The following KIAA1328 variants were observed in gnomAD, a reference collection of about 807,000 sequenced individuals.
KIAA1328 encodes the protein protein hinderin.
In KIAA1328, 52 loss-of-function variants were observed where a neutral mutation model predicts 68.1. The observed-to-expected ratio is 0.76, with a 90% confidence interval of 0.61 to 0.96. KIAA1328 has a LOEUF of 0.96. Ranked by LOEUF, KIAA1328 falls within the 40% of genes least tolerant of loss-of-function variation. KIAA1328 has a pLI of 0.00. For missense variants in KIAA1328, 641 were observed against 677.6 expected (o/e 0.95, Z 0.60); for synonymous variants, 232 against 239.4 (o/e 0.97, Z 0.28).
intron 9 of KIAA1328, among the ~76,000 whole-genome samples, chr18:37,213,758 C>T (rs2060365989): frequency 6.6e-6 from 1 of 152,190 alleles, no homozygotes; most frequent in African/African-American, 2.4e-5. Flanking sequence ...AGTTTACACT[C>T]CCACCAACAG....
intron 9 of KIAA1328, among the ~76,000 whole-genome samples, chr18:37,220,819 TTTGG>T (rs943172594): frequency 5.3e-5 from 8 of 152,120 alleles, no homozygotes; most frequent in African/African-American, 1.9e-4. Flanking sequence ...TTTTTGTTTG[TTTGG>T]TTGGTTGGTT....
chr18:37,102,783 C>G (rs141451293), intron 7 of KIAA1328, among the ~76,000 whole-genome samples: 19 of 152,154 alleles, frequency 1.2e-4, no homozygotes, highest in African/African-American at 4.3e-4. Flanking sequence ...AAGAGGAAGT[C>G]AAATATTCCC....
intron 7 of KIAA1328, among the ~76,000 whole-genome samples, chr18:37,141,898 T>C (rs2058773533): frequency 6.6e-6 from 1 of 152,234 alleles, no homozygotes; most frequent in African/African-American, 2.4e-5. Flanking sequence ...CCAGTTTTAA[T>C]TGGATAAACA....
At position 36,910,892 on chromosome 18, in the gene KIAA1328, A is replaced by G. The variant is rs555278473; in HGVS notation, c.448+25220A>G. On this transcript the variant is annotated intron_variant, in intron 5 of 9. Coordinates refer to ENST00000280020, the MANE Select transcript of KIAA1328 (RefSeq NM_020776.3). Reference sequence around the variant, plus strand: ...GCCCTCTTGCTTTTCTGTCATCGTCATGAGAAATATACTCAGGAAAAGAAT... The same window carrying G: ...GCCCTCTTGCTTTTCTGTCATCGTCGTGAGAAATATACTCAGGAAAAGAAT... 1.8e-4 allele frequency among the ~76,000 whole-genome samples: 27 copies of G among 152,124 alleles called. 1 individual carries two copies. The East Asian group carries it at 2.3e-3, about 13-fold the overall frequency.
At chr18:37,163,797 G>A (rs1195164338) in intron 8 of KIAA1328, among the ~76,000 whole-genome samples, 6 of 152,136 alleles carry the variant, frequency 3.9e-5, no homozygotes. Context: ...TTACCATCAA[G>A]AGCATTATTA....
chr18:37,030,342 ATATTT>A (rs1331539154), intron 6 of KIAA1328, among the ~76,000 whole-genome samples: 3 of 152,110 alleles, frequency 2.0e-5, no homozygotes, highest in Non-Finnish European at 4.4e-5. Flanking sequence ...TCCATTAGCT[ATATTT>A]TATTGTTTTA....
chr18:37,049,225 G>A (rs2055596415), intron 6 of KIAA1328, among the ~76,000 whole-genome samples: 1 of 152,126 alleles, frequency 6.6e-6, no homozygotes, highest in African/African-American at 2.4e-5. Flanking sequence ...GGAACAGGAT[G>A]AAAAAAGTTC....
chr18:36,922,462 A>G (rs1357264390), intron 5 of KIAA1328, among the ~76,000 whole-genome samples: 1 of 152,192 alleles, frequency 6.6e-6, no homozygotes, highest in Non-Finnish European at 1.5e-5. Context: ...TTCCCACATC[A>G]TCATGGGAAA....
chr18:36,968,346 C>T (rs1216520283), intron 6 of KIAA1328, among the ~76,000 whole-genome samples: 8 of 151,986 alleles, frequency 5.3e-5, no homozygotes. Context: ...GAAGCAAGAC[C>T]CAATGGTATG....
intron 4 of KIAA1328, among the ~76,000 whole-genome samples, chr18:36,847,699 ATTAAC>A (rs200506657): frequency 0.01 from 1,576 of 151,622 alleles, 11 homozygotes; most frequent in South Asian, 0.028. Flanking sequence ...TTCCTTTATA[ATTAAC>A]TTAATGCTTT....
intron 7 of KIAA1328, among the ~76,000 whole-genome samples, chr18:37,110,541 T>G (rs1287868830): frequency 1.3e-5 from 2 of 152,252 alleles, no homozygotes; most frequent in Non-Finnish European, 2.9e-5. Context: ...TTTAGATAAC[T>G]ATAGCTTCCA....
At chr18:37,079,427 A>G (rs558270904) in intron 7 of KIAA1328, among the ~76,000 whole-genome samples, 2 of 146,712 alleles carry the variant, frequency 1.4e-5, no homozygotes, top group East Asian at 3.9e-4. Flanking sequence ...ACATGTATAC[A>G]TATGTAACTA....
intron 5 of KIAA1328, among the ~76,000 whole-genome samples, chr18:36,893,613 C>T (rs2048775524): frequency 6.6e-6 from 1 of 151,976 alleles, no homozygotes; most frequent in Admixed American, 6.6e-5. Context: ...TGAGCCGCCA[C>T]ACCCAATAGA....
rs576954151 is a variant in KIAA1328 at position 37,067,071 on chromosome 18, A to G, written c.758A>G (p.His253Arg). 11 of 1,614,020 alleles carry G rather than the reference A, an allele frequency of 6.8e-6. No homozygotes were observed. In the East Asian group the frequency reaches 1.8e-4, roughly 26 times the overall value. ...RNNSLKPVTL[H>R]HPKDDLDKIP... ...AATTCTTTGAAACCAGTAACCCTTC[A>G]TCATCCCAAAGATGATCTAGATAAG... The change falls in exon 7 of 10, where the codon CAT becomes CGT. Residue 253 changes from histidine (H) to arginine (R), a missense_variant. By Grantham distance (29) the His-to-Arg change is conservative (BLOSUM62 0). Transcript: ENST00000280020.
intron 7 of KIAA1328, 112 bp from the exon 8 acceptor site, chr18:37,160,088 G>A: frequency 1.3e-6 from 1 of 775,276 alleles, no homozygotes; most frequent in East Asian, 2.9e-5. Flanking sequence ...TAAAAGGTAA[G>A]ATAAAGAGAG....
At chr18:37,073,062 T>C (rs2056590282) in intron 7 of KIAA1328, among the ~76,000 whole-genome samples, 1 of 152,142 alleles carries the variant, frequency 6.6e-6, no homozygotes, top group South Asian at 2.1e-4. Context: ...ATAAAAACCC[T>C]AGAAGAAAAC....
At chr18:37,081,524 A>G (rs2056949228) in intron 7 of KIAA1328, among the ~76,000 whole-genome samples, 1 of 152,332 alleles carries the variant, frequency 6.6e-6, no homozygotes, top group African/African-American at 2.4e-5. Context: ...AATATCATAT[A>G]ACAAGAATAT....
intron 7 of KIAA1328, among the ~76,000 whole-genome samples, chr18:37,071,816 T>C (rs2056544568): frequency 6.6e-6 from 1 of 152,186 alleles, no homozygotes; most frequent in African/African-American, 2.4e-5. Flanking sequence ...TCATATTTTA[T>C]CAGTTTAAAT....
At chr18:37,220,579 C>T (rs535651981) in intron 9 of KIAA1328, among the ~76,000 whole-genome samples, 10 of 152,246 alleles carry the variant, frequency 6.6e-5, no homozygotes, top group South Asian at 6.2e-4. Flanking sequence ...GTAATGTCCA[C>T]GTGTATGTTT....
Sources: gnomAD v4.1 joint callset for allele counts (sites outside exome capture counted in the v4.1 genomes callset) on GRCh38, gnomAD v4.1.1 for gene constraint, MANE v1.5 for transcripts, NCBI Gene and HGNC (gene_info 2026-07-23, HGNC 2026-07-21) for gene names.